Variants in PDE10A observed in about 807,000 individuals in gnomAD.
The protein encoded by PDE10A is cAMP and cAMP-inhibited cGMP 3',5'-cyclic phosphodiesterase 10A.
Under a neutral mutation model 97.7 loss-of-function variants are expected in PDE10A, and 39 were observed. That is an observed-to-expected ratio of 0.40 (90% confidence interval 0.31 to 0.52). PDE10A has a LOEUF of 0.52. Among genes scored for constraint, PDE10A ranks in the 20% least tolerant of loss-of-function variants. The pLI, the probability that PDE10A is intolerant of heterozygous loss-of-function variation, is 0.56. For missense variants in PDE10A, 731 were observed against 1,047.8 expected (o/e 0.70, Z 4.17); for synonymous variants, 371 against 376.8 (o/e 0.98, Z 0.18).
At position 165,404,409 on chromosome 6, in the gene PDE10A, G is replaced by A. The variant is rs1377146604; in HGVS notation, c.2077-7950C>T. ...AAAAAAGAAGCCTTGTCTCTACTTG[G>A]GGCTATGGGTAGAAAATAAATAGTC... On this transcript the variant is annotated intron_variant, in intron 13 of 21. Transcript: ENST00000539869. 2.0e-5 allele frequency among the ~76,000 whole-genome samples: 3 copies of A among 151,862 alleles called. No homozygotes were observed. The East Asian group carries it at 5.8e-4, about 30-fold the overall frequency.
At chr6:165,921,703 T>C (rs775400096) in intron 1 of PDE10A, among the ~76,000 whole-genome samples, 1 of 152,182 alleles carries the variant, frequency 6.6e-6, no homozygotes, top group Non-Finnish European at 1.5e-5. Flanking sequence ...GAGAGAGGGC[T>C]TGGTGCATTC....
intron 1 of PDE10A, among the ~76,000 whole-genome samples, chr6:165,878,179 A>G (rs774031416): frequency 6.6e-6 from 1 of 152,234 alleles, no homozygotes; most frequent in Non-Finnish European, 1.5e-5. Context: ...ATTTTACAAA[A>G]TCAGATTGGA....
At chr6:165,782,426 C>T (rs369954189) in intron 1 of PDE10A, among the ~76,000 whole-genome samples, 24 of 152,190 alleles carry the variant, frequency 1.6e-4, no homozygotes, top group Non-Finnish European at 2.4e-4. Flanking sequence ...AGGGCCAAGG[C>T]GTGGGAAACC....
Position 165,422,274 on chromosome 6 carries a change from C to T in PDE10A, c.1654-3497G>A, listed in dbSNP as rs142077541. ...CTACTCCCTTATACACACACATACG[C>T]ATACACACACACGCATACACACATA... On this transcript the variant is annotated intron_variant, in intron 10 of 21. Coordinates refer to ENST00000539869, the MANE Select transcript of PDE10A (RefSeq NM_001385079.1). Among the ~76,000 whole-genome samples, 282 of 151,404 alleles carry T rather than the reference C, an allele frequency of 1.9e-3. 1 individual carries two copies. Among genetic ancestry groups the T allele is most frequent in the Middle Eastern group, 3.4e-3 (1 of 294 alleles).
chr6:165,648,730 CA>C (rs1489264614), intron 1 of PDE10A, among the ~76,000 whole-genome samples: 1 of 152,156 alleles, frequency 6.6e-6, no homozygotes, highest in Non-Finnish European at 1.5e-5. Context: ...ATGGCCCTCA[CA>C]AAAGGAACAG....
intron 1 of PDE10A, among the ~76,000 whole-genome samples, chr6:165,870,178 G>T (rs1372607808): frequency 6.6e-6 from 1 of 152,238 alleles, no homozygotes; most frequent in African/African-American, 2.4e-5. Context: ...GAATGGGAGA[G>T]AAAATATTTG....
At chr6:165,757,252 G>A (rs892225637) in intron 1 of PDE10A, among the ~76,000 whole-genome samples, 3 of 152,046 alleles carry the variant, frequency 2.0e-5, no homozygotes, top group Admixed American at 1.3e-4. Context: ...GGTGAGCACC[G>A]TGCCCAGCCT....
intron 1 of PDE10A, among the ~76,000 whole-genome samples, chr6:165,894,925 T>A (rs1168533597): frequency 1.3e-5 from 2 of 152,226 alleles, no homozygotes; most frequent in Non-Finnish European, 2.9e-5. Flanking sequence ...ATATTTCATA[T>A]CCTACAATGA....
At chr6:165,739,902 A>G (rs969269863) in intron 1 of PDE10A, among the ~76,000 whole-genome samples, 1 of 152,220 alleles carries the variant, frequency 6.6e-6, no homozygotes, top group Non-Finnish European at 1.5e-5. Flanking sequence ...GCAAAGCTAA[A>G]CCACAATGAG....
At chr6:165,556,999 C>T (rs910895523) in intron 1 of PDE10A, among the ~76,000 whole-genome samples, 5 of 151,912 alleles carry the variant, frequency 3.3e-5, no homozygotes, top group Non-Finnish European at 7.4e-5. Context: ...ATTAGCCGGG[C>T]GTGGTGGCAT....
At chr6:165,636,277 A>G (rs751812792) in intron 1 of PDE10A, among the ~76,000 whole-genome samples, 21 of 152,132 alleles carry the variant, frequency 1.4e-4, no homozygotes, top group Non-Finnish European at 2.2e-4. Context: ...TTCACTGGCT[A>G]TGTGAAAAGG....
chr6:165,835,032 G>A (rs931418698), intron 1 of PDE10A, among the ~76,000 whole-genome samples: 12 of 152,304 alleles, frequency 7.9e-5, no homozygotes, highest in African/African-American at 2.6e-4. Flanking sequence ...CCAGCTTTTC[G>A]GAGCACGTGT....
intron 1 of PDE10A, among the ~76,000 whole-genome samples, chr6:165,751,302 G>C (rs765677779): frequency 9.2e-5 from 14 of 152,182 alleles, no homozygotes; most frequent in Non-Finnish European, 1.9e-4. Flanking sequence ...TGCACCTCCA[G>C]AGTCAGTGTG....
At chr6:165,833,185 T>G (rs1021860239) in intron 1 of PDE10A, among the ~76,000 whole-genome samples, 3 of 152,228 alleles carry the variant, frequency 2.0e-5, no homozygotes, top group Non-Finnish European at 4.4e-5. Flanking sequence ...ACAATGAAAT[T>G]CAAGTGATCT....
intron 18 of PDE10A, among the ~76,000 whole-genome samples, chr6:165,371,690 CA>C (rs1411067778): frequency 6.6e-6 from 1 of 152,046 alleles, no homozygotes; most frequent in Non-Finnish European, 1.5e-5. Context: ...CTATTCCAAT[CA>C]ATAGAAAAAG....
intron 1 of PDE10A, among the ~76,000 whole-genome samples, chr6:165,748,913 G>T (rs1325482112): frequency 2.0e-5 from 3 of 151,914 alleles, no homozygotes; most frequent in South Asian, 4.2e-4. Flanking sequence ...GAGACCACAG[G>T]GTTGAATTTC....
At chr6:165,343,298 T>C (rs1299069435) in intron 19 of PDE10A, 93 bp downstream of exon 19, 6 of 870,264 alleles carry the variant, frequency 6.9e-6, no homozygotes, top group African/African-American at 1.7e-5. Flanking sequence ...CTGAAATAAC[T>C]ATCAACATGA....
chr6:165,598,194 T>G, intron 1 of PDE10A, among the ~76,000 whole-genome samples: 1 of 152,220 alleles, frequency 6.6e-6, no homozygotes, highest in East Asian at 1.9e-4. Context: ...GTTATTTAAG[T>G]ATATCTGAGA....
intron 2 of PDE10A, among the ~76,000 whole-genome samples, chr6:165,536,616 T>G (rs565901692): frequency 6.7e-6 from 1 of 149,222 alleles, no homozygotes; most frequent in South Asian, 2.1e-4. Flanking sequence ...AAAAAAAAAA[T>G]CTGAGCAAAA....
Sources: gnomAD v4.1 joint callset for allele counts (sites outside exome capture counted in the v4.1 genomes callset) on GRCh38, gnomAD v4.1.1 for gene constraint, MANE v1.5 for transcripts, NCBI Gene and HGNC (gene_info 2026-07-23, HGNC 2026-07-21) for gene names.